Variants in OPCML observed in about 807,000 individuals in gnomAD.
The protein encoded by OPCML is opioid binding protein/cell adhesion molecule like.
In OPCML, 13 loss-of-function variants were observed where a neutral mutation model predicts 37.8. That is an observed-to-expected ratio of 0.34 (90% CI 0.22 to 0.55). The LOEUF (loss-of-function observed/expected upper bound fraction) is 0.55, where lower values mean the gene tolerates loss of function less well. Ranked by LOEUF, OPCML falls within the 20% of genes least tolerant of loss-of-function variation. OPCML has a pLI of 0.91. For synonymous variants in OPCML, 176 were observed against 168.8 expected (o/e 1.04, Z -0.33); for missense variants, 341 against 435.6 (o/e 0.78, Z 1.93).
intron 2 of OPCML, chr11:132,859,486 G>C (rs1277365342): frequency 6.6e-6 from 1 of 151,032 alleles, no homozygotes; most frequent in African/African-American, 2.4e-5. Context: ...ATCGTGAAAT[G>C]CATTCTTCAG....
At chr11:132,656,418 A>G (rs544829029) in intron 3 of OPCML, among the ~76,000 whole-genome samples, 1 of 152,334 alleles carries the variant, frequency 6.6e-6, no homozygotes, top group East Asian at 1.9e-4. Flanking sequence ...TTCCTGGGCT[A>G]TGTCGATTCA....
intron 1 of OPCML, among the ~76,000 whole-genome samples, chr11:133,405,620 T>C (rs1267942645): frequency 6.6e-6 from 1 of 152,174 alleles, no homozygotes; most frequent in Non-Finnish European, 1.5e-5. Context: ...CTGTGTTGTT[T>C]CTTTTGCGTG....
chr11:133,234,570 T>C (rs991651368), intron 1 of OPCML, among the ~76,000 whole-genome samples: 2 of 152,372 alleles, frequency 1.3e-5, no homozygotes, highest in Admixed American at 6.5e-5. Context: ...AGCTCAGCAC[T>C]GTGTGTGGCC....
intron 4 of OPCML, among the ~76,000 whole-genome samples, chr11:132,464,529 AT>A (rs1186122226): frequency 2.6e-5 from 4 of 152,210 alleles, no homozygotes; most frequent in Non-Finnish European, 5.9e-5. Flanking sequence ...CTCTACAATT[AT>A]TTGTTAAGTA....
chr11:133,033,489 A>T (rs549020795), intron 1 of OPCML, among the ~76,000 whole-genome samples: 74 of 152,336 alleles, frequency 4.9e-4, no homozygotes, highest in African/African-American at 1.7e-3. Context: ...TATCCATAGA[A>T]ATCAAAATCA....
At chr11:133,416,237 G>T (rs868701175) in intron 1 of OPCML, among the ~76,000 whole-genome samples, 1 of 151,966 alleles carries the variant, frequency 6.6e-6, no homozygotes, top group African/African-American at 2.4e-5. Context: ...TATAATTGAT[G>T]GACCATACAC....
chr11:133,029,077 A>T (rs1442317470), intron 1 of OPCML, among the ~76,000 whole-genome samples: 1 of 152,244 alleles, frequency 6.6e-6, no homozygotes, highest in East Asian at 1.9e-4. Flanking sequence ...CACTTCTTTA[A>T]AAAAGATATA....
intron 1 of OPCML, among the ~76,000 whole-genome samples, chr11:132,952,795 A>G (rs1945890281): frequency 6.6e-6 from 1 of 152,140 alleles, no homozygotes; most frequent in Non-Finnish European, 1.5e-5. Context: ...GATGCATGGG[A>G]AAGTGCCCTT....
intron 1 of OPCML, among the ~76,000 whole-genome samples, chr11:133,428,150 A>G (rs1392825296): frequency 6.6e-6 from 1 of 152,214 alleles, no homozygotes; most frequent in African/African-American, 2.4e-5. Flanking sequence ...TGGAAAATCT[A>G]TTAATCAAAT....
chr11:133,469,243 G>T (rs534505439), intron 1 of OPCML, among the ~76,000 whole-genome samples: 1 of 152,172 alleles, frequency 6.6e-6, no homozygotes, highest in East Asian at 1.9e-4. Context: ...ATATGATAGT[G>T]GTCTCATAAT....
intron 1 of OPCML, among the ~76,000 whole-genome samples, chr11:133,308,352 C>T (rs1422946817): frequency 6.6e-6 from 1 of 151,798 alleles, no homozygotes; most frequent in Non-Finnish European, 1.5e-5. Flanking sequence ...AAGTATGAAA[C>T]AACCTAACTT....
At chr11:132,798,584 C>A (rs1938468122) in intron 2 of OPCML, among the ~76,000 whole-genome samples, 2 of 152,340 alleles carry the variant, frequency 1.3e-5, no homozygotes, top group South Asian at 4.1e-4. Context: ...CTTGCTGTTT[C>A]AGCACATTTG....
chr11:132,497,508 T>C (rs1199149217), intron 4 of OPCML, among the ~76,000 whole-genome samples: 3 of 151,886 alleles, frequency 2.0e-5, no homozygotes, highest in African/African-American at 7.3e-5. Context: ...TGCTGTTTTA[T>C]GGGCGGTGAT....
chr11:133,474,294 A>G (rs1041078594), intron 1 of OPCML, among the ~76,000 whole-genome samples: 4 of 152,200 alleles, frequency 2.6e-5, no homozygotes, highest in African/African-American at 9.7e-5. Flanking sequence ...AGGAAAGTAG[A>G]TGGACTCTTT....
rs1285710552 is a variant in OPCML at position 132,943,750 on chromosome 11, G to A, written c.62-740C>T. On this transcript the variant is annotated intron_variant, in intron 1 of 7. Coordinates refer to ENST00000524381, the MANE Select transcript of OPCML (RefSeq NM_001012393.5). This position sits in a 1 kb window ranked among gnomAD's most constrained non-coding sequence, Gnocchi z 4.3. ...CCGGTCGGCGACTCGCGGCCAGCCG[G>A]GGGAGCGCCGCCCGGCGCAGGCTCC... The A allele has an allele frequency of 6.6e-6, 1 of 150,896 alleles. No individual in the cohort carries two copies. Among genetic ancestry groups the A allele is most frequent in the African/African-American group, 2.4e-5 (1 of 41,304 alleles). 9.3% of individuals were successfully genotyped at this position (150,896 alleles called of 1,614,324 possible). A position where few individuals can be genotyped will look rare whatever the true frequency, so the allele number is the denominator to read the frequency against.
At chr11:133,354,751 G>A (rs1300431763) in intron 1 of OPCML, among the ~76,000 whole-genome samples, 1 of 152,160 alleles carries the variant, frequency 6.6e-6, no homozygotes, top group Non-Finnish European at 1.5e-5. Context: ...TTTAAATCCA[G>A]GATCAGTTGT....
At chr11:133,154,488 A>C (rs1950029267) in intron 1 of OPCML, among the ~76,000 whole-genome samples, 1 of 152,172 alleles carries the variant, frequency 6.6e-6, no homozygotes, top group Admixed American at 6.5e-5. Flanking sequence ...TTGTCCAAAA[A>C]TTTGGGAAGT....
At chr11:132,687,493 C>T (rs190121578) in intron 2 of OPCML, among the ~76,000 whole-genome samples, 71 of 141,950 alleles carry the variant, frequency 5.0e-4, no homozygotes, top group African/African-American at 1.7e-3. Flanking sequence ...AACATAAATC[C>T]GATCTTCTTC....
At chr11:133,424,435 T>A (rs1945958734) in intron 1 of OPCML, among the ~76,000 whole-genome samples, 1 of 152,196 alleles carries the variant, frequency 6.6e-6, no homozygotes, top group Non-Finnish European at 1.5e-5. Flanking sequence ...ACTTATAAAA[T>A]TTTGCAATAT....
Sources: gnomAD v4.1 joint callset for allele counts (sites outside exome capture counted in the v4.1 genomes callset) on GRCh38, gnomAD v4.1.1 for gene constraint, Gnocchi (gnomAD v3.1) non-coding constraint, MANE v1.5 for transcripts, NCBI Gene and HGNC (gene_info 2026-07-23, HGNC 2026-07-21) for gene names.